GRIK1: variants seen among roughly 807,000 people sequenced by gnomAD.
The protein encoded by GRIK1 is glutamate receptor ionotropic, kainate 1.
Under a neutral mutation model 105.7 loss-of-function variants are expected in GRIK1, and 69 were observed. The ratio of observed to expected loss-of-function variants is 0.65; its 90% CI spans 0.54 to 0.80. The LOEUF (loss-of-function observed/expected upper bound fraction) is 0.80, where lower values mean the gene tolerates loss of function less well. Ranked by LOEUF, GRIK1 falls within the 30% of genes least tolerant of loss-of-function variation. GRIK1 has a pLI of 0.00. For missense variants in GRIK1, 1,109 were observed against 1,167.3 expected (o/e 0.95, Z 0.73); for synonymous variants, 438 against 431.3 (o/e 1.02, Z -0.19).
At chr21:29,585,921 TG>T (rs1263491277) in intron 12 of GRIK1, among the ~76,000 whole-genome samples, 1 of 152,200 alleles carries the variant, frequency 6.6e-6, no homozygotes, top group Non-Finnish European at 1.5e-5. Flanking sequence ...ATAATTCTTT[TG>T]GGGGGTACCT....
At chr21:29,546,045 C>T (rs2090045586) in intron 16 of GRIK1, among the ~76,000 whole-genome samples, 1 of 152,202 alleles carries the variant, frequency 6.6e-6, no homozygotes, top group African/African-American at 2.4e-5. Flanking sequence ...TCAGCTAGTC[C>T]AAGGCCACCC....
intron 1 of GRIK1, among the ~76,000 whole-genome samples, chr21:29,753,519 T>C (rs1046059779): frequency 2.6e-5 from 4 of 152,178 alleles, no homozygotes; most frequent in East Asian, 1.9e-4. Flanking sequence ...CTGGCATAGA[T>C]GGGCTTCATA....
intron 7 of GRIK1, among the ~76,000 whole-genome samples, chr21:29,617,018 C>T (rs180941220): frequency 4.1e-4 from 63 of 152,140 alleles, no homozygotes; most frequent in East Asian, 2.9e-3. Context: ...TTGCTATCAG[C>T]CATCATTGTA....
chr21:29,588,558 G>A (rs2061281727), intron 11 of GRIK1, among the ~76,000 whole-genome samples: 1 of 152,164 alleles, frequency 6.6e-6, no homozygotes, highest in Non-Finnish European at 1.5e-5. Context: ...CCAGCCATGA[G>A]GAACTGTGTC....
intron 6 of GRIK1, among the ~76,000 whole-genome samples, chr21:29,648,197 T>G (rs549562581): frequency 6.6e-6 from 1 of 152,334 alleles, no homozygotes; most frequent in South Asian, 2.1e-4. Flanking sequence ...CATCCATGTA[T>G]GTATGCACCA....
intron 1 of GRIK1, among the ~76,000 whole-genome samples, chr21:29,794,562 C>G (rs1264868812): frequency 1.3e-5 from 2 of 152,170 alleles, no homozygotes; most frequent in Non-Finnish European, 2.9e-5. Flanking sequence ...GTACCTCGTT[C>G]CTTGTGGATC....
At chr21:29,935,591 GATTGGCATAAAATAA>G (rs1486318936) in intron 1 of GRIK1, among the ~76,000 whole-genome samples, 1 of 152,168 alleles carries the variant, frequency 6.6e-6, no homozygotes, top group African/African-American at 2.4e-5. Flanking sequence ...CCAAGGTAAT[GATTGGCATAAAATAA>G]ATTTGGACCT....
At chr21:29,758,041 G>A (rs561067392) in intron 1 of GRIK1, among the ~76,000 whole-genome samples, 1 of 152,342 alleles carries the variant, frequency 6.6e-6, no homozygotes, top group Non-Finnish European at 1.5e-5. Flanking sequence ...TCATGAAGGT[G>A]GGAAGGGGTA....
chr21:29,855,908 T>A (rs745620273), intron 1 of GRIK1, among the ~76,000 whole-genome samples: 18 of 152,138 alleles, frequency 1.2e-4, no homozygotes, highest in Non-Finnish European at 2.6e-4. Flanking sequence ...CTCCTAAAGT[T>A]TTGGCTTGAA....
chr21:29,907,218 T>C (rs1306389548), intron 1 of GRIK1, among the ~76,000 whole-genome samples: 2 of 151,934 alleles, frequency 1.3e-5, no homozygotes. Context: ...AGAATAAATA[T>C]CAAAAATGAA....
intron 7 of GRIK1, among the ~76,000 whole-genome samples, chr21:29,608,744 A>C (rs1360090524): frequency 6.6e-6 from 1 of 152,192 alleles, no homozygotes; most frequent in East Asian, 1.9e-4. Flanking sequence ...AGAGAATGGC[A>C]GTATCAGAGC....
chr21:29,602,605 G>A (rs1270356688), intron 7 of GRIK1, among the ~76,000 whole-genome samples: 1 of 152,100 alleles, frequency 6.6e-6, no homozygotes, highest in African/African-American at 2.4e-5. Flanking sequence ...CTGAAGGCAA[G>A]AATGCCTGAG....
At chr21:29,686,663 C>G (rs1451501263) in intron 3 of GRIK1, among the ~76,000 whole-genome samples, 1 of 152,236 alleles carries the variant, frequency 6.6e-6, no homozygotes, top group Non-Finnish European at 1.5e-5. Flanking sequence ...TTGCTTGCTA[C>G]TTTGTCAGAG....
In GRIK1 at chr21:29,925,210, G is replaced by C. The variant is rs535724523; in HGVS notation, c.118+14173C>G. ...ATTGTTTCCCCTTATCAGGATCACA[G>C]GATAAATTTCTTGCATGGTTTTTAA... On this transcript the variant is annotated intron_variant, in intron 1 of 17. Coordinates refer to ENST00000327783, the MANE Select transcript of GRIK1 (RefSeq NM_001330994.2). 1.6e-4 allele frequency among the ~76,000 whole-genome samples: 25 copies of C among 152,250 alleles called. No homozygotes were observed. The South Asian group carries it at 5.0e-3, about 30-fold the overall frequency.
chr21:29,706,853 A>G (rs2063918183), intron 1 of GRIK1, among the ~76,000 whole-genome samples: 1 of 152,318 alleles, frequency 6.6e-6, no homozygotes, highest in African/African-American at 2.4e-5. Context: ...GTGAACTCCC[A>G]CAATGGATAT....
At chr21:29,618,881 A>T (rs1003364348) in intron 7 of GRIK1, among the ~76,000 whole-genome samples, 1 of 152,188 alleles carries the variant, frequency 6.6e-6, no homozygotes, top group African/African-American at 2.4e-5. Context: ...TAATCCCAGC[A>T]CTTTGGGAGG....
chr21:29,721,454 G>A (rs1038937980), intron 1 of GRIK1, among the ~76,000 whole-genome samples: 7 of 151,928 alleles, frequency 4.6e-5, no homozygotes, highest in Non-Finnish European at 7.4e-5. Flanking sequence ...GGGCTATAGC[G>A]GGGAGATCTG....
At chr21:29,934,614 CT>C (rs2146370940) in intron 1 of GRIK1, among the ~76,000 whole-genome samples, 1 of 152,284 alleles carries the variant, frequency 6.6e-6, no homozygotes, top group South Asian at 2.1e-4. Context: ...CACACTTATA[CT>C]GTGTGTACTT....
At chr21:29,756,307 G>A (rs1272908976) in intron 1 of GRIK1, among the ~76,000 whole-genome samples, 1 of 152,150 alleles carries the variant, frequency 6.6e-6, no homozygotes, top group African/African-American at 2.4e-5. Context: ...CGTGAACCGG[G>A]GAGGCAGAGC....
Sources: allele counts gnomAD v4.1 joint callset (sites outside exome capture counted in the v4.1 genomes callset), GRCh38; gene constraint gnomAD v4.1.1; transcripts MANE v1.5; gene names NCBI Gene and HGNC (gene_info 2026-07-23, HGNC 2026-07-21).